Variants in QTMAN observed in about 807,000 individuals in gnomAD.
QTMAN encodes the protein tRNA-queuosine alpha-mannosyltransferase.
At chr2:144,237,767 G>A in the QTMAN span, among the ~76,000 whole-genome samples, 2 of 152,096 alleles carry the variant, frequency 1.3e-5, no homozygotes, top group African/African-American at 4.8e-5. Context: ...TACCAGGGTT[G>A]GTCTGAGTGA....
chr2:144,030,822 G>A, the QTMAN span, among the ~76,000 whole-genome samples: 24,578 of 151,972 alleles, frequency 0.16, 3,783 homozygotes, highest in African/African-American at 0.39. Context: ...ACAAAGCTCT[G>A]GGAGTATTCT....
chr2:144,332,364 G>A, the QTMAN span: 4 of 145,022 alleles, frequency 2.8e-5, no homozygotes, highest in Admixed American at 1.4e-4. Flanking sequence ...GCGGGCGCCG[G>A]GGAGGGGAGG....
chr2:144,320,943 A>G, the QTMAN span, among the ~76,000 whole-genome samples: 1 of 152,206 alleles, frequency 6.6e-6, no homozygotes, highest in African/African-American at 2.4e-5. Context: ...GACTTGTTCA[A>G]CATTCCCAAC....
the QTMAN span, chr2:143,944,500 T>C: frequency 6.6e-6 from 1 of 152,226 alleles, no homozygotes; most frequent in Non-Finnish European, 1.5e-5. Flanking sequence ...TGGAGTGCAG[T>C]GGCACGATCT....
chr2:144,228,756 C>T, the QTMAN span, among the ~76,000 whole-genome samples: 14 of 152,116 alleles, frequency 9.2e-5, no homozygotes, highest in South Asian at 8.3e-4. Context: ...GTCAGGAGTT[C>T]GAGATGAGCC....
At chr2:144,088,035 T>C in the QTMAN span, among the ~76,000 whole-genome samples, 1 of 152,042 alleles carries the variant, frequency 6.6e-6, no homozygotes, top group Non-Finnish European at 1.5e-5. Flanking sequence ...TTTGCTGATA[T>C]GATCTTATGT....
the QTMAN span, among the ~76,000 whole-genome samples, chr2:144,163,133 AC>A: frequency 6.6e-6 from 1 of 152,194 alleles, no homozygotes; most frequent in South Asian, 2.1e-4. Context: ...TTCCTAAAGT[AC>A]AAAATTATAA....
chr2:144,078,277 T>C, the QTMAN span, among the ~76,000 whole-genome samples: 1 of 152,210 alleles, frequency 6.6e-6, no homozygotes, highest in Admixed American at 6.5e-5. Context: ...ATGTGAAGTA[T>C]TAATGCTGGT....
At chr2:144,080,826 T>C in the QTMAN span, among the ~76,000 whole-genome samples, 1 of 152,190 alleles carries the variant, frequency 6.6e-6, no homozygotes, top group Non-Finnish European at 1.5e-5. Context: ...GAAACTTTCA[T>C]AAGAATCTTG....
At chr2:144,145,559 A>G in the QTMAN span, 1 of 1,596,054 alleles carries the variant, frequency 6.3e-7, no homozygotes, top group African/African-American at 1.3e-5. Flanking sequence ...ATAATGATAC[A>G]ATCCATACCT....
chr2:143,938,233 T>A, the QTMAN span: 2 of 152,172 alleles, frequency 1.3e-5, no homozygotes, highest in Admixed American at 1.3e-4. Context: ...AAAGGAGAGA[T>A]GTCTGCTTTG....
the QTMAN span, among the ~76,000 whole-genome samples, chr2:144,292,103 A>C: frequency 6.6e-6 from 1 of 152,196 alleles, no homozygotes; most frequent in Non-Finnish European, 1.5e-5. Flanking sequence ...ACTACAAACA[A>C]CAAGAGTAGT....
chr2:144,061,810 G>A, the QTMAN span, among the ~76,000 whole-genome samples: 1 of 152,180 alleles, frequency 6.6e-6, no homozygotes, highest in African/African-American at 2.4e-5. Flanking sequence ...CAGGCTCCAA[G>A]AGCAGAAGAG....
the QTMAN span, among the ~76,000 whole-genome samples, chr2:144,246,250 G>A: frequency 6.6e-6 from 1 of 152,188 alleles, no homozygotes; most frequent in Non-Finnish European, 1.5e-5. Context: ...TCACATAGCT[G>A]ATGATAGCTA....
the QTMAN span, among the ~76,000 whole-genome samples, chr2:144,046,730 T>A: frequency 2.0e-5 from 3 of 152,248 alleles, no homozygotes; most frequent in Non-Finnish European, 4.4e-5. Flanking sequence ...AGTTTTCTGA[T>A]AACTAGTGTC....
chr2:144,203,026 A>T, the QTMAN span, among the ~76,000 whole-genome samples: 1 of 152,202 alleles, frequency 6.6e-6, no homozygotes, highest in East Asian at 1.9e-4. Flanking sequence ...TCCCCTTCTA[A>T]CTGGAATATT....
At chr2:144,208,842 C>A in the QTMAN span, 1 of 1,190,014 alleles carries the variant, frequency 8.4e-7, no homozygotes, top group Non-Finnish European at 1.2e-6. Flanking sequence ...TTTTCCATTA[C>A]ATACATGTAT....
chr2:144,082,496 C>A, the QTMAN span, among the ~76,000 whole-genome samples: 6 of 152,238 alleles, frequency 3.9e-5, no homozygotes, highest in East Asian at 9.7e-4. Flanking sequence ...GTTAAGATTT[C>A]TAACCACACT....
the QTMAN span, among the ~76,000 whole-genome samples, chr2:143,987,532 A>T: frequency 6.6e-6 from 1 of 152,166 alleles, no homozygotes; most frequent in South Asian, 2.1e-4. Flanking sequence ...TTCACTTATT[A>T]TGTTGTACTG....
Sources: allele counts gnomAD v4.1 joint callset (sites outside exome capture counted in the v4.1 genomes callset), GRCh38; gene constraint gnomAD v4.1.1; transcripts MANE v1.5; gene names NCBI Gene and HGNC (gene_info 2026-07-23, HGNC 2026-07-21).